Variants in TNRC6A observed in about 807,000 individuals in gnomAD.
The protein encoded by TNRC6A is trinucleotide repeat containing adaptor 6A, also known as trinucleotide repeat-containing gene 6A protein.
In TNRC6A, 44 loss-of-function variants were observed where a neutral mutation model predicts 221.2. The observed-to-expected ratio is 0.20, with a 90% CI of 0.16 to 0.26. The LOEUF is 0.26. TNRC6A is among the 10% of genes least tolerant of loss of function. TNRC6A has a pLI of 1.00. For synonymous variants in TNRC6A, 847 were observed against 838.5 expected (o/e 1.01, Z -0.18); for missense variants, 2,199 against 2,404.4 (o/e 0.91, Z 1.79).
At chr16:24,792,698 T>C (rs2058134673) in intron 6 of TNRC6A, among the ~76,000 whole-genome samples, 1 of 142,768 alleles carries the variant, frequency 7.0e-6, no homozygotes, top group Admixed American at 7.3e-5. Flanking sequence ...TCAGCATATG[T>C]AAAAAGTAGG....
chr16:24,729,912 C>T, intron 1 of TNRC6A, 66 bp downstream of exon 1: 1 of 1,182,238 alleles, frequency 8.5e-7, no homozygotes, highest in East Asian at 3.5e-5. Context: ...GGCCCGCAAC[C>T]CGCGGCGGCG....
chr16:24,663,811 C>T (rs997446070), intron 2 of TNRC6A: 3 of 421,826 alleles, frequency 7.1e-6, no homozygotes, highest in Non-Finnish European at 1.4e-5. Flanking sequence ...TACAGCATGA[C>T]CGCAGGCACC....
At chr16:24,797,437 C>A in intron 9 of TNRC6A, 53 bp from the exon 10 acceptor site, 3 of 1,351,898 alleles carry the variant, frequency 2.2e-6, no homozygotes, top group African/African-American at 1.5e-5. Flanking sequence ...GTCACTATAC[C>A]CAGATAAACA....
At chr16:24,779,583 A>C (rs774713666) in intron 5 of TNRC6A, among the ~76,000 whole-genome samples, 5 of 152,326 alleles carry the variant, frequency 3.3e-5, no homozygotes, top group Non-Finnish European at 5.9e-5. Flanking sequence ...GCTAATCCTT[A>C]TGGGGTGCTT....
intron 2 of TNRC6A, among the ~76,000 whole-genome samples, chr16:24,746,247 A>T (rs1203110756): frequency 6.6e-6 from 1 of 152,016 alleles, no homozygotes; most frequent in Admixed American, 6.5e-5. Flanking sequence ...AATTGTAGGA[A>T]TTTTTTTCCT....
chr16:24,648,460 C>G (rs186484391), intron 2 of TNRC6A, among the ~76,000 whole-genome samples: 1 of 151,620 alleles, frequency 6.6e-6, no homozygotes, highest in Admixed American at 6.6e-5. Context: ...TTAGTAGAGA[C>G]GGGGTTTCAC....
intron 1 of TNRC6A, among the ~76,000 whole-genome samples, chr16:24,615,654 C>A (rs1307264818): frequency 6.6e-6 from 1 of 152,154 alleles, no homozygotes; most frequent in Non-Finnish European, 1.5e-5. Context: ...AAATCATCAT[C>A]TTGGAGAGGG....
intron 2 of TNRC6A, among the ~76,000 whole-genome samples, chr16:24,677,349 G>T (rs1567348607): frequency 6.6e-6 from 1 of 152,012 alleles, no homozygotes; most frequent in East Asian, 1.9e-4. Flanking sequence ...TTTTAGTAGA[G>T]ACGGGGTTTT....
At chr16:24,742,729 C>T (rs758519994) in intron 2 of TNRC6A, among the ~76,000 whole-genome samples, 1 of 152,142 alleles carries the variant, frequency 6.6e-6, no homozygotes, top group Non-Finnish European at 1.5e-5. Flanking sequence ...TGAGACCAGC[C>T]TGTCCAACAT....
chr16:24,621,145 G>A (rs982341091), intron 1 of TNRC6A, among the ~76,000 whole-genome samples: 3 of 143,764 alleles, frequency 2.1e-5, no homozygotes, highest in Admixed American at 2.1e-4. Flanking sequence ...AAGAAAAATA[G>A]TATTCAAGTT....
rs753699209 is a variant in TNRC6A, at chr16:24,790,274, C to A, written c.1632C>A (p.Asp544Glu). Residue 544 changes from aspartate (D) to glutamate (E), a missense_variant, in exon 6 of 25, where the codon GAC becomes GAA. Asp to Glu is a conservative substitution (Grantham distance 45, BLOSUM62 2). This residue lies in a region of TNRC6A where 1,405 missense variants were observed against 1,400.2 expected (regional missense o/e 1.00). Coordinates refer to ENST00000395799, the MANE Select transcript of TNRC6A (RefSeq NM_014494.4). Reference sequence around the variant, plus strand: ...GCCCTAATGGCCAAGCTAATGGTGACACTGTGAATGCAACTCTAATGCAGC... The same window carrying A: ...GCCCTAATGGCCAAGCTAATGGTGAAACTGTGAATGCAACTCTAATGCAGC... ...CSGPNGQANG[D>E]TVNATLMQPG... 1 of 1,614,066 alleles carries A rather than the reference C, an allele frequency of 6.2e-7. No homozygotes were observed. The highest frequency in any genetic ancestry group is 8.5e-7 in the Non-Finnish European group (1 of 1,180,036).
At chr16:24,661,810 G>A (rs1419182323) in intron 2 of TNRC6A, 2 of 152,148 alleles carry the variant, frequency 1.3e-5, no homozygotes, top group Non-Finnish European at 2.9e-5. Flanking sequence ...AATGGATCAA[G>A]TAATTAATGC....
Position 24,645,834 on chromosome 16 carries a change from C to CAAAAAAAAAAAAAAAAAAAAAAAAAA in TNRC6A, n.402+4833_402+4858dup, listed in dbSNP as rs36106864. Among the ~76,000 whole-genome samples, 15 of 26,642 alleles carry CAAAAAAAAAAAAAAAAAAAAAAAAAA rather than the reference C, an allele frequency of 5.6e-4. 3 individuals are homozygous for CAAAAAAAAAAAAAAAAAAAAAAAAAA. The highest frequency in any genetic ancestry group is 1.4e-3 in the East Asian group (1 of 706). The allele number at this position is 26,642 out of a possible 152,430, so 17.5% of individuals were successfully genotyped here. ...GAAACATGACAAGACCCTGTATCTACAAAAAAAAAAAAAAAAAAAAAAAAA... is the reference window on the plus strand; with the variant it reads ...GAAACATGACAAGACCCTGTATCTACAAAAAAAAAAAAAAAAAAAAAAAAAAAAAAAAAAAAAAAAAAAAAAAAAAA... On this transcript the variant is annotated intron_variant and non_coding_transcript_variant, in intron 2 of 2. Transcript: ENST00000566108.
intron 2 of TNRC6A, among the ~76,000 whole-genome samples, chr16:24,659,272 C>T (rs2054979534): frequency 6.6e-6 from 1 of 152,138 alleles, no homozygotes; most frequent in African/African-American, 2.4e-5. Flanking sequence ...CTCTGTTCTA[C>T]TTAACAATCC....
At chr16:24,633,806 G>C (rs60325484) in intron 1 of TNRC6A, among the ~76,000 whole-genome samples, 1 of 143,474 alleles carries the variant, frequency 7.0e-6, no homozygotes, top group African/African-American at 2.6e-5. Flanking sequence ...TTTTCGAGAC[G>C]AAGTCTCGCT....
chr16:24,789,575 G>A lies in TNRC6A; in HGVS notation c.933G>A (p.Gly311=). The A allele has an allele frequency of 6.2e-7, 1 of 1,614,044 alleles. No individual in the cohort carries two copies. The highest frequency in any genetic ancestry group is 1.1e-5 in the South Asian group (1 of 91,076). Reference sequence around the variant, plus strand: ...ATGTGGGCCATGGAAGTAGTACTGGGCCATGGGGTTTTTCCCATGGAGCCA... The same window carrying A: ...ATGTGGGCCATGGAAGTAGTACTGGACCATGGGGTTTTTCCCATGGAGCCA... ...SNNVGHGSST[G]PWGFSHGAII... is the part of the protein sequence containing the mutation. The change falls in exon 6 of 25, where the codon GGG becomes GGA. Residue 311 remains glycine (G), a synonymous_variant. Transcript: ENST00000395799.
chr16:24,678,506 A>G (rs2055465003), intron 2 of TNRC6A, among the ~76,000 whole-genome samples: 1 of 152,146 alleles, frequency 6.6e-6, no homozygotes, highest in South Asian at 2.1e-4. Context: ...GCCAACAGCC[A>G]TCAGGGAGAT....
chr16:24,824,672 C>T lies in TNRC6A; in HGVS notation c.*865C>T, dbSNP rs2058837109. On this transcript the variant is annotated 3_prime_UTR_variant, in exon 25 of 25. Coordinates refer to ENST00000395799, the MANE Select transcript of TNRC6A (RefSeq NM_014494.4). Reference sequence around the variant, plus strand: ...ATGATTTAAAAGATGCTTTCTATCTCTGGGAAAAAGGAGCAGCATTTGGCC... The same window carrying T: ...ATGATTTAAAAGATGCTTTCTATCTTTGGGAAAAAGGAGCAGCATTTGGCC... The T allele has an allele frequency of 6.6e-6, 1 of 151,634 alleles. No individual in the cohort carries two copies. The highest frequency in any genetic ancestry group is 1.9e-4 in the East Asian group (1 of 5,156). 9.4% of individuals were successfully genotyped at this position (151,634 alleles called of 1,614,324 possible). A position where few individuals can be genotyped will look rare whatever the true frequency, so the allele number is the denominator to read the frequency against.
At chr16:24,816,994 T>TA in intron 20 of TNRC6A, 38 bp downstream of exon 20, 7 of 1,593,204 alleles carry the variant, frequency 4.4e-6, no homozygotes, top group Non-Finnish European at 6.0e-6. Flanking sequence ...GAGTGACACT[T>TA]AACACAGTTT....
Sources: gnomAD v4.1 joint callset for allele counts (sites outside exome capture counted in the v4.1 genomes callset) on GRCh38, gnomAD v4.1.1 for gene constraint, gnomAD v4.1.1 regional missense constraint, MANE v1.5 for transcripts, NCBI Gene and HGNC (gene_info 2026-07-23, HGNC 2026-07-21) for gene names.